The following FBN2 variants were observed in gnomAD, a reference collection of about 807,000 sequenced individuals.
FBN2 encodes the protein fibrillin-2.
In FBN2, 105 loss-of-function variants were observed where a neutral mutation model predicts 355.6. The ratio of observed to expected loss-of-function variants is 0.30; its 90% confidence interval spans 0.25 to 0.35. The LOEUF is 0.35. Among genes scored for constraint, FBN2 ranks in the 10% least tolerant of loss-of-function variants. The pLI is 1.00. For missense variants in FBN2, 3,280 were observed against 3,758.7 expected, an observed-to-expected ratio of 0.87 and a Z score of 3.33; for synonymous variants, 1,350 against 1,301.2, an observed-to-expected ratio of 1.04 and a Z score of -0.81.
rs1443676772 is a variant in FBN2 at position 128,259,448 on chromosome 5, T to G, written c.*7A>C. 1 of 1,612,640 alleles carries G rather than the reference T, an allele frequency of 6.2e-7. No individual in the cohort carries two copies. Among genetic ancestry groups the G allele is most frequent in the East Asian group, 2.2e-5 (1 of 44,868 alleles). On this transcript the variant is annotated 3_prime_UTR_variant, in exon 65 of 65. Coordinates refer to ENST00000262464, the MANE Select transcript of FBN2 (RefSeq NM_001999.4). ...GGATTTGAGCCTGGGCCCAAGTCTG[T>G]GAAGGGTTAATAGAGCTGAATCTGC... is the stretch of plus-strand genomic sequence containing the variant.
In FBN2 at chr5:128,476,443, C is replaced by T. The variant is rs1755007067; in HGVS notation, c.629-11522G>A. Among the ~76,000 whole-genome samples, 5 of 151,428 alleles carry T rather than the reference C, an allele frequency of 3.3e-5. No individual in the cohort carries two copies. The South Asian group carries it at 6.3e-4, about 19-fold the overall frequency. ...AATAAACAGAACGGCAAAGAAAAAC[C>T]AAAGAAAATACAAAAGAAAGTAGAA... On this transcript the variant is annotated intron_variant, in intron 5 of 64. Transcript: ENST00000262464.
Position 128,537,645 on chromosome 5 carries a change from G to T in FBN2, c.-42C>A. 1 of 1,587,118 alleles carries T rather than the reference G, an allele frequency of 6.3e-7. No individual in the cohort carries two copies. Reference sequence around the variant, plus strand: ...GCGCGGCCGTAGACCCGCGGAGAGGGAGTGATCAAAGACAAAATCTGCGCG... The same window carrying T: ...GCGCGGCCGTAGACCCGCGGAGAGGTAGTGATCAAAGACAAAATCTGCGCG... On this transcript the variant is annotated 5_prime_UTR_variant, in exon 1 of 65. Coordinates refer to ENST00000262464, the MANE Select transcript of FBN2 (RefSeq NM_001999.4).
intron 8 of FBN2, among the ~76,000 whole-genome samples, chr5:128,406,281 C>T (rs1050659987): frequency 1.1e-4 from 16 of 152,148 alleles, no homozygotes; most frequent in African/African-American, 3.9e-4. Flanking sequence ...ATTCCTTTTC[C>T]ATCTTAACTA....
intron 7 of FBN2, among the ~76,000 whole-genome samples, chr5:128,421,180 A>C (rs1015083028): frequency 2.6e-5 from 4 of 152,174 alleles, no homozygotes; most frequent in Admixed American, 2.0e-4. Flanking sequence ...CATTTTCAGT[A>C]ATCTGTCCTT....
chr5:128,462,425 A>G (rs1292084032), intron 6 of FBN2, among the ~76,000 whole-genome samples: 1 of 152,220 alleles, frequency 6.6e-6, no homozygotes, highest in Non-Finnish European at 1.5e-5. Flanking sequence ...ACTACGGATT[A>G]GTATTTAATT....
At chr5:128,399,366 T>C (rs189543473) in intron 8 of FBN2, among the ~76,000 whole-genome samples, 48 of 152,332 alleles carry the variant, frequency 3.2e-4, no homozygotes, top group Non-Finnish European at 5.3e-4. Flanking sequence ...AATATCTTAG[T>C]ATACTCTGAT....
chr5:128,262,370 C>A (rs1188096852), intron 63 of FBN2, among the ~76,000 whole-genome samples: 1 of 152,190 alleles, frequency 6.6e-6, no homozygotes, highest in Admixed American at 6.5e-5. Flanking sequence ...TTCTTTAACA[C>A]ACAATAGATA....
intron 6 of FBN2, among the ~76,000 whole-genome samples, chr5:128,457,651 A>G (rs537470465): frequency 1.8e-3 from 271 of 152,326 alleles, no homozygotes; most frequent in Non-Finnish European, 3.1e-3. Flanking sequence ...CCAATATTCA[A>G]CATTCTTCAA....
chr5:128,352,331 A>G (rs1030661821), intron 20 of FBN2, among the ~76,000 whole-genome samples: 1 of 152,214 alleles, frequency 6.6e-6, no homozygotes, highest in Non-Finnish European at 1.5e-5. Context: ...GTAACCCTCT[A>G]GAGATAACCA....
chr5:128,485,197 A>T (rs902671089), intron 5 of FBN2, among the ~76,000 whole-genome samples: 2 of 151,632 alleles, frequency 1.3e-5, no homozygotes, highest in African/African-American at 4.8e-5. Flanking sequence ...CTAATTTTTT[A>T]TTTTTTGTAG....
chr5:128,318,976 G>A lies in FBN2; in HGVS notation c.4497C>T (p.Asn1499=), dbSNP rs368341114. Reference sequence around the variant, plus strand: ...TATTACATGTTCCAAAGACACAAATGTTTTGGAAGGAGCATTCATCAATAT... The same window carrying A: ...TATTACATGTTCCAAAGACACAAATATTTTGGAAGGAGCATTCATCAATAT... The part of the protein sequence containing the change: ...CQDIDECSFQ[N]ICVFGTCNNL... The change falls in exon 35 of 65, where the codon AAC becomes AAT. Residue 1499 remains asparagine, a synonymous_variant. Transcript: ENST00000262464. The A allele has an allele frequency of 3.6e-5, 58 of 1,607,192 alleles. No homozygotes were observed. The highest frequency in any genetic ancestry group is 5.0e-5 in the Admixed American group (3 of 59,958).
chr5:128,398,078 T>C lies in FBN2; in HGVS notation c.1079-2804A>G, dbSNP rs377298236. The stretch of plus-strand genomic sequence containing the variant: ...GTCTTCCTCACATCAATAGCTTTGA[T>C]GCCTCAATTCATAGTAGGTTTTTGG... On this transcript the variant is annotated intron_variant, in intron 8 of 64. Transcript: ENST00000262464. 4.6e-5 allele frequency among the ~76,000 whole-genome samples: 7 copies of C among 152,258 alleles called. No homozygotes were observed. In the East Asian group the frequency reaches 1.2e-3, roughly 25 times the overall value.
chr5:128,392,058 G>A lies in FBN2; in HGVS notation c.1563C>T (p.Cys521=), dbSNP rs1752528866. Residue 521 remains cysteine, a synonymous_variant, in exon 11 of 65, where the codon TGC becomes TGT. Transcript: ENST00000262464. The part of the protein sequence containing the change: ...IPTVSSYRCE[C]NMGYKQDANG... ...TTGCATCCTGCTTATAACCCATGTT[G>A]CATTCACATCGGTAGCTTGAGACAG... 1 of 1,613,466 alleles carries A rather than the reference G, an allele frequency of 6.2e-7. No homozygotes were observed. Among genetic ancestry groups the A allele is most frequent in the Admixed American group, 1.7e-5 (1 of 60,020 alleles).
intron 5 of FBN2, among the ~76,000 whole-genome samples, chr5:128,498,508 C>G (rs889716501): frequency 5.9e-5 from 9 of 152,158 alleles, no homozygotes; most frequent in African/African-American, 2.2e-4. Flanking sequence ...ACCAACCAAG[C>G]CCTCAAACTG....
At chr5:128,338,435 T>C (rs1750905066) in intron 26 of FBN2, among the ~76,000 whole-genome samples, 1 of 152,180 alleles carries the variant, frequency 6.6e-6, no homozygotes, top group African/African-American at 2.4e-5. Flanking sequence ...GTTATCCTGG[T>C]GTCTGTAACG....
At chr5:128,344,992 C>T (rs770914390) in intron 24 of FBN2, among the ~76,000 whole-genome samples, 2 of 152,290 alleles carry the variant, frequency 1.3e-5, no homozygotes, top group South Asian at 2.1e-4. Context: ...TGAGCCACCA[C>T]GCCCGGCCAA....
intron 7 of FBN2, among the ~76,000 whole-genome samples, chr5:128,435,790 A>G (rs1753754806): frequency 1.3e-5 from 2 of 152,230 alleles, no homozygotes; most frequent in South Asian, 4.1e-4. Context: ...GGATATTTCA[A>G]ACTTTGCTCC....
At chr5:128,391,572 T>C (rs1049811680) in intron 11 of FBN2, among the ~76,000 whole-genome samples, 2 of 152,188 alleles carry the variant, frequency 1.3e-5, no homozygotes, top group Non-Finnish European at 2.9e-5. Flanking sequence ...AGATAACCAA[T>C]GATTTTAAGA....
chr5:128,279,584 T>C (rs2126810354), intron 56 of FBN2, among the ~76,000 whole-genome samples: 1 of 152,294 alleles, frequency 6.6e-6, no homozygotes, highest in South Asian at 2.1e-4. Context: ...TGAAATACTC[T>C]TTTTATGTTA....
Sources: gnomAD v4.1 joint callset for allele counts (sites outside exome capture counted in the v4.1 genomes callset) on GRCh38, gnomAD v4.1.1 for gene constraint, MANE v1.5 for transcripts, NCBI Gene and HGNC (gene_info 2026-07-23, HGNC 2026-07-21) for gene names.